Variants in CDC5L observed in about 807,000 individuals in gnomAD.
The protein encoded by CDC5L is cell division cycle 5-like protein.
A neutral mutation model predicts 104.1 loss-of-function variants in CDC5L; 18 were observed. The ratio of observed to expected loss-of-function variants is 0.17; its 90% CI spans 0.12 to 0.26. The LOEUF (loss-of-function observed/expected upper bound fraction) is 0.26, where lower values mean the gene tolerates loss of function less well. CDC5L is among the 10% of genes least tolerant of loss of function. The probability of loss-of-function intolerance (pLI) is 1.00; values close to 1 mark genes in which losing one functional copy is unlikely to be tolerated. For synonymous variants in CDC5L, 331 were observed against 322.7 expected (o/e 1.03, Z -0.28); for missense variants, 673 against 956.9 (o/e 0.70, Z 3.91).
intron 14 of CDC5L, among the ~76,000 whole-genome samples, chr6:44,431,211 T>C (rs951256657): frequency 6.6e-6 from 1 of 152,174 alleles, no homozygotes; most frequent in Non-Finnish European, 1.5e-5. Context: ...GTGAACCTCT[T>C]TTTTTCTCAG....
chr6:44,418,261 C>T, intron 8 of CDC5L, among the ~76,000 whole-genome samples: 1 of 151,924 alleles, frequency 6.6e-6, no homozygotes, highest in East Asian at 1.9e-4. Context: ...TTTTTTTGTC[C>T]TTGTGATAGT....
intron 14 of CDC5L, among the ~76,000 whole-genome samples, chr6:44,431,053 A>G (rs1792660273): frequency 6.6e-6 from 1 of 152,214 alleles, no homozygotes; most frequent in South Asian, 2.1e-4. Flanking sequence ...GGTTAAAGCC[A>G]GAAGTAGTAA....
In CDC5L at chr6:44,429,751, A is replaced by G. The variant is rs142812813; in HGVS notation, c.1932A>G (p.Lys644=). ...TGGTGCAGGAGATGGAAGTGGTTAA[A>G]CAAGGAATGAGCCATGGAGAGCTCT... ...DVLVQEMEVV[K]QGMSHGELSS... The change falls in exon 14 of 16, where the codon AAA becomes AAG. Residue 644 remains lysine, a synonymous_variant. Coordinates refer to ENST00000371477, the MANE Select transcript of CDC5L (RefSeq NM_001253.4). 1.2e-5 allele frequency: 19 copies of G among 1,614,006 alleles called. No homozygotes were observed. Among genetic ancestry groups the G allele is most frequent in the Middle Eastern group, 1.6e-4 (1 of 6,084 alleles).
intron 11 of CDC5L, among the ~76,000 whole-genome samples, 181 bp downstream of exon 11, chr6:44,424,764 A>G (rs978992298): frequency 1.3e-5 from 2 of 152,216 alleles, no homozygotes; most frequent in African/African-American, 4.8e-5. Flanking sequence ...ACATACTCAC[A>G]ATATTTTGAT....
At chr6:44,420,359 C>CTT (rs771581700) in intron 9 of CDC5L, among the ~76,000 whole-genome samples, 4 of 140,350 alleles carry the variant, frequency 2.9e-5, no homozygotes, top group Non-Finnish European at 4.7e-5. Context: ...AAAATCCAAA[C>CTT]TTTTTTTTTT....
chr6:44,426,218 A>C, intron 12 of CDC5L, 35 bp downstream of exon 12: 1 of 1,466,232 alleles, frequency 6.8e-7, no homozygotes, highest in Non-Finnish European at 9.5e-7. Flanking sequence ...GGAAGTTTTA[A>C]GTTTCTTTTT....
chr6:44,429,122 A>G (rs1792561377), intron 13 of CDC5L, among the ~76,000 whole-genome samples: 1 of 150,196 alleles, frequency 6.7e-6, no homozygotes, highest in Admixed American at 6.7e-5. Context: ...CCTGGGTTCA[A>G]GGGATTCTTG....
At chr6:44,422,891 G>A in intron 10 of CDC5L, 82 bp downstream of exon 10, 1 of 841,416 alleles carries the variant, frequency 1.2e-6, no homozygotes, top group Non-Finnish European at 1.9e-6. Context: ...TCCTGTTAGT[G>A]CATATCACAT....
intron 5 of CDC5L, among the ~76,000 whole-genome samples, chr6:44,401,719 A>G (rs2153376297): frequency 6.6e-6 from 1 of 151,576 alleles, no homozygotes. Context: ...TTAGTTACAT[A>G]TGTATACATG....
intron 14 of CDC5L, among the ~76,000 whole-genome samples, chr6:44,438,687 T>TA (rs1793048611): frequency 6.8e-6 from 1 of 146,184 alleles, no homozygotes; most frequent in African/African-American, 2.5e-5. Context: ...TTTTTTTTTT[T>TA]AAACTCTAAC....
rs1445784961 is a variant in CDC5L at position 44,408,638 on chromosome 6, G to C, written c.1092+6G>C. The C allele has an allele frequency of 1.3e-6, 2 of 1,577,982 alleles. No homozygotes were observed. The highest frequency in any genetic ancestry group is 2.3e-5 in the South Asian group (2 of 88,286). On this transcript the variant is annotated splice_donor_region_variant and intron_variant, in intron 8 of 15. Transcript: ENST00000371477. ...CCCAGGACAGAATTCTGCAGGTAAC[G>C]TGTCACGTAGTAGAATGAGGCTTTT...
intron 8 of CDC5L, among the ~76,000 whole-genome samples, chr6:44,415,863 A>G (rs189697302): frequency 7.9e-5 from 12 of 152,286 alleles, no homozygotes; most frequent in Admixed American, 7.8e-4. Flanking sequence ...ATAAATGTCT[A>G]CTAATGAAAA....
intron 4 of CDC5L, 88 bp from the exon 5 acceptor site, chr6:44,396,253 G>T: frequency 2.8e-6 from 2 of 703,134 alleles, no homozygotes; most frequent in African/African-American, 1.8e-5. Flanking sequence ...TTCTCATTTT[G>T]AGCAATAGAG....
At chr6:44,436,407 C>T (rs934601619) in intron 14 of CDC5L, among the ~76,000 whole-genome samples, 3 of 137,080 alleles carry the variant, frequency 2.2e-5, no homozygotes, top group African/African-American at 3.2e-5. Flanking sequence ...TTTTGGTTAG[C>T]GTAAATAGAT....
At chr6:44,418,546 G>A (rs1210935204) in intron 8 of CDC5L, among the ~76,000 whole-genome samples, 11 of 152,126 alleles carry the variant, frequency 7.2e-5, no homozygotes, top group South Asian at 4.1e-4. Flanking sequence ...GGTATTTCTA[G>A]TTCTAGATCC....
At chr6:44,408,364 A>T (rs889166361) in intron 7 of CDC5L, 80 bp from the exon 8 acceptor site, 8 of 1,109,862 alleles carry the variant, frequency 7.2e-6, no homozygotes, top group Non-Finnish European at 1.0e-5. Flanking sequence ...GGCCTCCCAG[A>T]GTGTTGGGAT....
intron 7 of CDC5L, among the ~76,000 whole-genome samples, chr6:44,407,594 A>G (rs1791431881): frequency 6.6e-6 from 1 of 152,188 alleles, no homozygotes; most frequent in Admixed American, 6.5e-5. Flanking sequence ...GGCCTCCCAA[A>G]GTGCTGGGAT....
At chr6:44,433,599 A>G (rs1229664500) in intron 14 of CDC5L, among the ~76,000 whole-genome samples, 1 of 152,158 alleles carries the variant, frequency 6.6e-6, no homozygotes. Context: ...TTCCTTAGAG[A>G]TAGAAAATAG....
At chr6:44,437,661 G>A (rs1561980211) in intron 14 of CDC5L, among the ~76,000 whole-genome samples, 1 of 152,170 alleles carries the variant, frequency 6.6e-6, no homozygotes, top group Non-Finnish European at 1.5e-5. Flanking sequence ...ATTGGATGAG[G>A]TGAGGTAATT....
Sources: allele counts gnomAD v4.1 joint callset (sites outside exome capture counted in the v4.1 genomes callset), GRCh38; gene constraint gnomAD v4.1.1; transcripts MANE v1.5; gene names NCBI Gene and HGNC (gene_info 2026-07-23, HGNC 2026-07-21).